CNOT10: variants seen among roughly 807,000 people sequenced by gnomAD.
The protein encoded by CNOT10 is CCR4-NOT transcription complex subunit 10, also known as CCR4-NOT transcription complex, subunit 10.
A neutral mutation model predicts 94.6 loss-of-function variants in CNOT10; 30 were observed. That is an observed-to-expected ratio of 0.32 (90% confidence interval 0.24 to 0.43). The LOEUF (loss-of-function observed/expected upper bound fraction) is 0.43, where lower values mean the gene tolerates loss of function less well. CNOT10 is among the 20% of genes least tolerant of loss of function. The pLI, the probability that CNOT10 is intolerant of heterozygous loss-of-function variation, is 1.00. For missense variants in CNOT10, 759 were observed against 877.2 expected (o/e 0.87, Z 1.70); for synonymous variants, 289 against 301.6 (o/e 0.96, Z 0.43).
chr3:32,764,240 G>C, intron 15 of CNOT10: 1 of 511,386 alleles, frequency 2.0e-6, no homozygotes, highest in South Asian at 3.1e-5. Flanking sequence ...AGGAGGCTGA[G>C]GCAGGAGAAT....
chr3:32,733,903 C>T (rs1416938430), intron 11 of CNOT10, among the ~76,000 whole-genome samples: 1 of 152,016 alleles, frequency 6.6e-6, no homozygotes, highest in Non-Finnish European at 1.5e-5. Context: ...GTCCCTAGGA[C>T]TGAAAATACA....
At chr3:32,704,584 G>A (rs1001681020) in intron 2 of CNOT10, among the ~76,000 whole-genome samples, 4 of 151,996 alleles carry the variant, frequency 2.6e-5, no homozygotes, top group African/African-American at 9.7e-5. Context: ...CAATATATGT[G>A]TCTTATATGT....
chr3:32,711,391 A>G (rs1410260690), intron 4 of CNOT10, among the ~76,000 whole-genome samples: 2 of 152,182 alleles, frequency 1.3e-5, no homozygotes. Flanking sequence ...TTTATACCAT[A>G]TTGTTTAGGG....
chr3:32,773,325 G>A (rs945566806), intron 18 of CNOT10, 132 bp from the exon 19 acceptor site: 5 of 894,800 alleles, frequency 5.6e-6, no homozygotes, highest in African/African-American at 3.4e-5. Context: ...TGGGATTCCA[G>A]TATACAGCCA....
intron 15 of CNOT10, among the ~76,000 whole-genome samples, chr3:32,763,899 G>C (rs1399555589): frequency 1.3e-5 from 2 of 152,106 alleles, no homozygotes; most frequent in Non-Finnish European, 2.9e-5. Flanking sequence ...GGGAGGCTGT[G>C]GTGGGTGGAT....
chr3:32,753,300 A>G, intron 13 of CNOT10: 2 of 919,058 alleles, frequency 2.2e-6, no homozygotes. Context: ...CCAGAATCTG[A>G]TGTGTGGACT....
intron 13 of CNOT10, among the ~76,000 whole-genome samples, chr3:32,757,858 C>A (rs1294732564): frequency 6.6e-6 from 1 of 152,192 alleles, no homozygotes; most frequent in Non-Finnish European, 1.5e-5. Flanking sequence ...GAAAGTGGCA[C>A]TACTTGCTGG....
intron 10 of CNOT10, among the ~76,000 whole-genome samples, chr3:32,728,762 A>G (rs75756789): frequency 0.038 from 5,715 of 152,252 alleles, 173 homozygotes; most frequent in Middle Eastern, 0.075. Context: ...GTCAGGATAC[A>G]TGCATCTGCT....
At chr3:32,705,380 G>C (rs1238342508) in intron 3 of CNOT10, among the ~76,000 whole-genome samples, 1 of 152,126 alleles carries the variant, frequency 6.6e-6, no homozygotes, top group Admixed American at 6.5e-5. Flanking sequence ...ATCTGGCTTG[G>C]GGCTTGAATT....
At chr3:32,739,192 C>T (rs1422651700) in intron 13 of CNOT10, among the ~76,000 whole-genome samples, 1 of 152,214 alleles carries the variant, frequency 6.6e-6, no homozygotes, top group African/African-American at 2.4e-5. Flanking sequence ...AGGCATGAGC[C>T]ACTGCGCCCG....
chr3:32,736,973 A>T (rs1217047591), intron 12 of CNOT10, among the ~76,000 whole-genome samples: 5 of 152,188 alleles, frequency 3.3e-5, no homozygotes, highest in Non-Finnish European at 2.9e-5. Context: ...TTACCAAATT[A>T]CTAAGTATTT....
At chr3:32,697,879 A>T (rs1339533958) in intron 1 of CNOT10, among the ~76,000 whole-genome samples, 6 of 152,216 alleles carry the variant, frequency 3.9e-5, no homozygotes, top group Admixed American at 3.9e-4. Flanking sequence ...CACATTTTTT[A>T]AAATGTTAGG....
chr3:32,767,115 T>C (rs1437984978), intron 17 of CNOT10, among the ~76,000 whole-genome samples: 4 of 152,202 alleles, frequency 2.6e-5, no homozygotes, highest in Admixed American at 2.0e-4. Flanking sequence ...ACTTCTGATA[T>C]AGAAAGTTTG....
chr3:32,700,931 A>T (rs1051802991), intron 1 of CNOT10, among the ~76,000 whole-genome samples: 2 of 152,242 alleles, frequency 1.3e-5, no homozygotes, highest in Non-Finnish European at 2.9e-5. Context: ...TATAAAAGGC[A>T]TCTTTTAAAA....
At chr3:32,725,973 C>G (rs1698648392) in intron 9 of CNOT10, among the ~76,000 whole-genome samples, 1 of 139,624 alleles carries the variant, frequency 7.2e-6, no homozygotes, top group Admixed American at 7.2e-5. Context: ...GAGACAGAGT[C>G]TAGCTCTATC....
chr3:32,744,442 T>C (rs528376238), intron 13 of CNOT10, among the ~76,000 whole-genome samples: 15 of 152,324 alleles, frequency 9.8e-5, no homozygotes, highest in African/African-American at 3.6e-4. Context: ...TACGGGTTTA[T>C]AGCCCCTTGA....
At chr3:32,746,265 A>G (rs1204693341) in intron 13 of CNOT10, among the ~76,000 whole-genome samples, 1 of 152,102 alleles carries the variant, frequency 6.6e-6, no homozygotes, top group Non-Finnish European at 1.5e-5. Context: ...ATGGTAGACT[A>G]TTTTTCTGTG....
chr3:32,723,117 G>C (rs1351720804), intron 8 of CNOT10, among the ~76,000 whole-genome samples: 1 of 152,094 alleles, frequency 6.6e-6, no homozygotes, highest in Non-Finnish European at 1.5e-5. Flanking sequence ...TTAAAGGCCG[G>C]GCACGGTGGC....
intron 8 of CNOT10, among the ~76,000 whole-genome samples, chr3:32,723,896 C>A (rs1698533170): frequency 6.6e-6 from 1 of 152,108 alleles, no homozygotes; most frequent in Admixed American, 6.6e-5. Flanking sequence ...GCCTGAGCAA[C>A]ACAGGGACCC....
Sources: gnomAD v4.1 joint callset for allele counts (sites outside exome capture counted in the v4.1 genomes callset) on GRCh38, gnomAD v4.1.1 for gene constraint, MANE v1.5 for transcripts, NCBI Gene and HGNC (gene_info 2026-07-23, HGNC 2026-07-21) for gene names.